SMAD2: variants seen among roughly 807,000 people sequenced by gnomAD.
SMAD2 encodes SMAD family member 2.
Under a neutral mutation model 64.4 loss-of-function variants are expected in SMAD2, and 8 were observed. The observed-to-expected ratio is 0.12, with a 90% confidence interval of 0.07 to 0.22. SMAD2 has a LOEUF of 0.22. SMAD2 is among the 10% of genes least tolerant of loss of function. The pLI is 1.00. For missense variants in SMAD2, 289 were observed against 561.2 expected (o/e 0.51, Z 4.90); for synonymous variants, 203 against 195.8 (o/e 1.04, Z -0.31).
chr18:47,841,650 C>A lies in SMAD2; in HGVS notation c.*177G>T. ...GAGTATTTCTAGACACTAATTTTCC[C>A]ATCTAATATTCAAATATAGGAAACA... On this transcript the variant is annotated 3_prime_UTR_variant, in exon 11 of 11. Transcript: ENST00000262160. 1 of 661,514 alleles carries A rather than the reference C, an allele frequency of 1.5e-6. No individual in the cohort carries two copies. Among genetic ancestry groups the A allele is most frequent in the Non-Finnish European group, 2.7e-6 (1 of 375,434 alleles). The allele number at this position is 661,514 out of a possible 1,614,324, so 41.0% of individuals were successfully genotyped here.
intron 6 of SMAD2, chr18:47,853,535 A>T (rs1397744300): frequency 1.6e-5 from 3 of 185,826 alleles, no homozygotes; most frequent in African/African-American, 7.1e-5. Flanking sequence ...AGAGGGAAAA[A>T]AAAAAAAGAG....
At chr18:47,901,379 A>G (rs1194103531) in intron 1 of SMAD2, among the ~76,000 whole-genome samples, 1 of 151,906 alleles carries the variant, frequency 6.6e-6, no homozygotes, top group Non-Finnish European at 1.5e-5. Flanking sequence ...TTTTCTCTCA[A>G]TCTTTCTAGG....
At chr18:47,905,874 G>A (rs1460592709) in intron 1 of SMAD2, among the ~76,000 whole-genome samples, 1 of 152,170 alleles carries the variant, frequency 6.6e-6, no homozygotes, top group East Asian at 1.9e-4. Flanking sequence ...CACTTTGGGA[G>A]GCCAAAATAG....
intron 1 of SMAD2, among the ~76,000 whole-genome samples, chr18:47,912,900 G>A (rs1230485388): frequency 6.7e-6 from 1 of 148,368 alleles, no homozygotes; most frequent in Non-Finnish European, 1.5e-5. Context: ...AGCATTAGGA[G>A]GAATGAGAGT....
chr18:47,901,894 G>A (rs1217840708), intron 1 of SMAD2, among the ~76,000 whole-genome samples: 4 of 152,080 alleles, frequency 2.6e-5, no homozygotes, highest in Admixed American at 6.6e-5. Context: ...AAATGTCTAC[G>A]GGGGAAGAAA....
intron 4 of SMAD2, 71 bp downstream of exon 4, chr18:47,869,172 A>T: frequency 8.9e-7 from 1 of 1,121,322 alleles, no homozygotes; most frequent in Non-Finnish European, 1.3e-6. Context: ...CCTGGGTCAC[A>T]AGAGTACTTA....
In SMAD2 at chr18:47,848,457, A is replaced by G. The variant is rs139429167; in HGVS notation, c.997+18T>C. On this transcript the variant is annotated intron_variant, in intron 8 of 10. Transcript: ENST00000262160. Reference sequence around the variant, plus strand: ...GTATACAGCATTTATTTTTCACAACAAGGAAAATAAAACATACCTATATGC... The same window carrying G: ...GTATACAGCATTTATTTTTCACAACGAGGAAAATAAAACATACCTATATGC... 1 of 1,567,510 alleles carries G rather than the reference A, an allele frequency of 6.4e-7. No individual in the cohort carries two copies. The highest frequency in any genetic ancestry group is 8.8e-7 in the Non-Finnish European group (1 of 1,137,660).
rs1421425152 is a variant in SMAD2, at chr18:47,896,635, C to T, written c.122G>A (p.Cys41Tyr). ...CACCAGACTTTTCACTGCTTTCTCA[C>T]ACCACTTTTCTTCCTGCCCATTCTG... The part of the protein sequence containing the change: ...GEQNGQEEKW[C>Y]EKAVKSLVKK... Residue 41 changes from cysteine to tyrosine, a missense_variant, in exon 2 of 11, where the codon TGT (cysteine) becomes TAT (tyrosine). By Grantham distance (194) the Cys-to-Tyr change is radical. Transcript: ENST00000262160. 1 of 1,614,152 alleles carries T rather than the reference C, an allele frequency of 6.2e-7. No individual in the cohort carries two copies.
At chr18:47,868,194 A>T in intron 5 of SMAD2, 129 bp downstream of exon 5, 1 of 797,636 alleles carries the variant, frequency 1.3e-6, no homozygotes, top group Non-Finnish European at 2.2e-6. Flanking sequence ...CACCCAACGA[A>T]TCCAATTTTT....
At chr18:47,860,543 A>G (rs1319836541) in intron 6 of SMAD2, among the ~76,000 whole-genome samples, 2 of 152,168 alleles carry the variant, frequency 1.3e-5, no homozygotes, top group East Asian at 3.9e-4. Flanking sequence ...TTGGCCTCCT[A>G]AAATGCTAGG....
chr18:47,870,533 G>T lies in SMAD2; in HGVS notation c.268C>A (p.Pro90Thr), dbSNP rs756023240. Residue 90 changes from proline (P) to threonine (T), a missense_variant, in exon 3 of 11, where the codon CCA becomes ACA. Pro to Thr is a conservative substitution (Grantham distance 38, BLOSUM62 -1). Around this residue, in one of 6 missense-constraint regions of SMAD2, gnomAD observed 89 missense variants for 137.1 expected, o/e 0.65. Transcript: ENST00000262160. ...TCSEIWGLST[P>T]NTIDQWDTTG... ...GTATCCCACTGATCTATCGTATTTG[G>T]TGTACTCAGTCCCCAAATTTCAGAG... is the stretch of plus-strand genomic sequence containing the variant. 1.2e-6 allele frequency: 2 copies of T among 1,613,532 alleles called. No individual in the cohort carries two copies. The highest frequency in any genetic ancestry group is 1.7e-6 in the Non-Finnish European group (2 of 1,179,590).
chr18:47,885,052 A>T (rs920813230), intron 2 of SMAD2, among the ~76,000 whole-genome samples: 2 of 152,142 alleles, frequency 1.3e-5, no homozygotes, highest in African/African-American at 4.8e-5. Context: ...TTACTTAAAG[A>T]AAACAAAAGC....
At position 47,825,711 on chromosome 18, in the gene SMAD2, A is replaced by C. The variant is rs1358681921; in HGVS notation, c.*16116T>G. On this transcript the variant is annotated 3_prime_UTR_variant, in exon 11 of 11. Coordinates refer to ENST00000262160, the MANE Select transcript of SMAD2 (RefSeq NM_005901.6). ...GGCTACCAAGCACAGCCACATCACC[A>C]AAGAGAACAATTCCTGACCTCCTTG... The C allele has an allele frequency of 1.3e-5, 2 of 152,254 alleles. No homozygotes were observed. The highest frequency in any genetic ancestry group is 2.9e-5 in the Non-Finnish European group (2 of 68,060). The allele number at this position is 152,254 out of a possible 1,614,324, so 9.4% of individuals were successfully genotyped here. A position where few individuals can be genotyped will look rare whatever the true frequency, so the allele number is the denominator to read the frequency against.
At chr18:47,852,849 G>A (rs1170192760) in intron 6 of SMAD2, among the ~76,000 whole-genome samples, 1 of 152,036 alleles carries the variant, frequency 6.6e-6, no homozygotes, top group African/African-American at 2.4e-5. Flanking sequence ...AAATCATGGC[G>A]CAACTAGTCT....
Position 47,816,772 on chromosome 18 carries a change from T to TC in SMAD2, c.*25054_*25055insG, listed in dbSNP as rs1389393979. The TC allele has an allele frequency of 6.6e-6, 1 of 151,636 alleles. No homozygotes were observed. Among genetic ancestry groups the TC allele is most frequent in the African/African-American group, 2.4e-5 (1 of 41,316 alleles). 9.4% of individuals were successfully genotyped at this position (151,636 alleles called of 1,614,324 possible). A position where few individuals can be genotyped will look rare whatever the true frequency, so the allele number is the denominator to read the frequency against. ...TTTACCATGACATGGGTCTTTTTTTTTTTTTTTTGGAGACGTAGTTTTGCA... is the reference window on the plus strand; with the variant it reads ...TTTACCATGACATGGGTCTTTTTTTTCTTTTTTTTGGAGACGTAGTTTTGCA... On this transcript the variant is annotated 3_prime_UTR_variant, in exon 11 of 11. Transcript: ENST00000262160.
chr18:47,851,932 T>G (rs2030137544), intron 6 of SMAD2, among the ~76,000 whole-genome samples: 3 of 152,186 alleles, frequency 2.0e-5, no homozygotes, highest in Admixed American at 2.0e-4. Context: ...GGTTTGTGTA[T>G]TTGCAATTTT....
At chr18:47,898,048 T>C (rs2033517700) in intron 1 of SMAD2, among the ~76,000 whole-genome samples, 2 of 152,220 alleles carry the variant, frequency 1.3e-5, no homozygotes, top group Non-Finnish European at 2.9e-5. Flanking sequence ...ATTAGTTTGT[T>C]CCTTAATTAT....
chr18:47,882,041 C>CTTTTTTTTTTTTTTTTTTTTTTT lies in SMAD2; in HGVS notation c.237-11500_237-11478dup, dbSNP rs71162900. On this transcript the variant is annotated intron_variant, in intron 2 of 10. Coordinates refer to ENST00000262160, the MANE Select transcript of SMAD2 (RefSeq NM_005901.6). ...CACAGGAATGTACTACCACGCTTGG[C>CTTTTTTTTTTTTTTTTTTTTTTT]TTTTTTTTTTTTTTTTTTTTTTTTT... Among the ~76,000 whole-genome samples, 73 of 38,864 alleles carry CTTTTTTTTTTTTTTTTTTTTTTT rather than the reference C, an allele frequency of 1.9e-3. 17 individuals are homozygous for CTTTTTTTTTTTTTTTTTTTTTTT. The highest frequency in any genetic ancestry group is 3.4e-3 in the East Asian group (4 of 1,168). 25.5% of individuals were successfully genotyped at this position (38,864 alleles called of 152,430 possible). A position where few individuals can be genotyped will look rare whatever the true frequency, so the allele number is the denominator to read the frequency against.
At chr18:47,906,504 A>C (rs2033909495) in intron 1 of SMAD2, among the ~76,000 whole-genome samples, 1 of 152,228 alleles carries the variant, frequency 6.6e-6, no homozygotes, top group African/African-American at 2.4e-5. Flanking sequence ...ACGCAAACTA[A>C]AACCATAATG....
Sources: allele counts gnomAD v4.1 joint callset (sites outside exome capture counted in the v4.1 genomes callset), GRCh38; gene constraint gnomAD v4.1.1; regional missense constraint gnomAD v4.1.1; transcripts MANE v1.5; gene names NCBI Gene and HGNC (gene_info 2026-07-23, HGNC 2026-07-21).